Variants in PTPRT observed in about 807,000 individuals in gnomAD.
The protein encoded by PTPRT is protein tyrosine phosphatase receptor type T.
In PTPRT, 56 loss-of-function variants were observed where a neutral mutation model predicts 176.8. The ratio of observed to expected loss-of-function variants is 0.32; its 90% confidence interval spans 0.26 to 0.40. The LOEUF is 0.40. Ranked by LOEUF, PTPRT falls within the 10% of genes least tolerant of loss-of-function variation. The pLI, the probability that PTPRT is intolerant of heterozygous loss-of-function variation, is 1.00. For missense variants in PTPRT, 1,540 were observed against 1,908.2 expected (o/e 0.81, Z 3.60); for synonymous variants, 783 against 739.0 (o/e 1.06, Z -0.96).
chr20:42,122,816 C>T (rs1295291839), intron 19 of PTPRT, among the ~76,000 whole-genome samples: 6 of 152,190 alleles, frequency 3.9e-5, no homozygotes, highest in South Asian at 2.1e-4. Flanking sequence ...GCCTTACCTT[C>T]GGACTAGTCA....
At chr20:42,420,387 T>C (rs1204660435) in intron 9 of PTPRT, among the ~76,000 whole-genome samples, 1 of 152,100 alleles carries the variant, frequency 6.6e-6, no homozygotes, top group Non-Finnish European at 1.5e-5. Context: ...CGTGCACCAC[T>C]TCCTCAACCC....
chr20:43,177,961 C>T (rs1299409148), intron 1 of PTPRT, among the ~76,000 whole-genome samples: 3 of 152,128 alleles, frequency 2.0e-5, no homozygotes, highest in Admixed American at 1.3e-4. Context: ...AGGGATCTTC[C>T]AAGAGGAAAA....
At chr20:42,471,938 G>A (rs1195169000) in intron 8 of PTPRT, among the ~76,000 whole-genome samples, 3 of 152,156 alleles carry the variant, frequency 2.0e-5, no homozygotes, top group Non-Finnish European at 2.9e-5. Context: ...TTACAGGCAT[G>A]AGTCACCACA....
At chr20:42,866,850 G>A (rs2078755161) in intron 2 of PTPRT, among the ~76,000 whole-genome samples, 1 of 152,124 alleles carries the variant, frequency 6.6e-6, no homozygotes, top group Non-Finnish European at 1.5e-5. Flanking sequence ...TAATCTTTGT[G>A]TGCCTCATTT....
chr20:42,436,625 G>A lies in PTPRT; in HGVS notation c.1560+11595C>T, dbSNP rs146340724. 7.4e-3 allele frequency among the ~76,000 whole-genome samples: 1,123 copies of A among 152,280 alleles called. 8 individuals are homozygous for A. The highest frequency in any genetic ancestry group is 0.012 in the Non-Finnish European group (810 of 68,024). ...CAACCAGTTTGGGAAAGAGTTTGGA[G>A]TATTTTTGTAAAACTTAACATTCAT... On this transcript the variant is annotated intron_variant, in intron 9 of 30. Transcript: ENST00000373187.
chr20:42,879,007 C>T (rs1198777647), intron 2 of PTPRT, among the ~76,000 whole-genome samples: 1 of 151,976 alleles, frequency 6.6e-6, no homozygotes, highest in Non-Finnish European at 1.5e-5. Context: ...CCAGCCCTGG[C>T]GACCGAGCGA....
chr20:42,497,521 G>A (rs567092881), intron 7 of PTPRT, among the ~76,000 whole-genome samples: 10 of 151,976 alleles, frequency 6.6e-5, no homozygotes, highest in Admixed American at 2.6e-4. Context: ...GTGTTCAAGC[G>A]ATCCTCCTGC....
At position 42,760,412 on chromosome 20, in the gene PTPRT, A is replaced by T. The variant is rs1417573299; in HGVS notation, c.685-3776T>A. Among the ~76,000 whole-genome samples, 5 of 116,908 alleles carry T rather than the reference A, an allele frequency of 4.3e-5. No homozygotes were observed. The South Asian group carries it at 7.6e-4, about 18-fold the overall frequency. The allele number at this position is 116,908 out of a possible 152,430, so 76.7% of individuals were successfully genotyped here. A position where few individuals can be genotyped will look rare whatever the true frequency, so the allele number is the denominator to read the frequency against. Reference sequence around the variant, plus strand: ...TTTTTTTTTTTTTTTTTTTTTACACATGGGGCTGGGAACTGACCTCAGTAG... The same window carrying T: ...TTTTTTTTTTTTTTTTTTTTTACACTTGGGGCTGGGAACTGACCTCAGTAG... On this transcript the variant is annotated intron_variant, in intron 5 of 30. Coordinates refer to ENST00000373187, the MANE Select transcript of PTPRT (RefSeq NM_007050.6).
chr20:42,141,778 C>T (rs1988642741), intron 18 of PTPRT, 137 bp downstream of exon 18: 1 of 824,876 alleles, frequency 1.2e-6, no homozygotes, highest in South Asian at 1.5e-5. Context: ...TATAAAGCTT[C>T]CATCTTGGCA....
At chr20:42,449,960 A>T (rs73123385) in intron 8 of PTPRT, among the ~76,000 whole-genome samples, 34,394 of 150,092 alleles carry the variant, frequency 0.23, 3,983 homozygotes, top group Middle Eastern at 0.33. Flanking sequence ...GCATATATAT[A>T]TTTTTTATTT....
intron 7 of PTPRT, among the ~76,000 whole-genome samples, chr20:42,523,974 G>A (rs950787817): frequency 1.3e-5 from 2 of 151,830 alleles, no homozygotes; most frequent in African/African-American, 4.8e-5. Flanking sequence ...TCTAACCTGG[G>A]CAAAATAGGG....
intron 13 of PTPRT, among the ~76,000 whole-genome samples, chr20:42,271,042 T>C (rs2147001389): frequency 6.6e-6 from 1 of 152,320 alleles, no homozygotes; most frequent in South Asian, 2.1e-4. Flanking sequence ...CCTCCAGTCT[T>C]GTTCCCCTTC....
chr20:42,075,743 C>T lies in PTPRT; in HGVS notation c.*5136G>A, dbSNP rs531408919. 11 of 204,502 alleles carry T rather than the reference C, an allele frequency of 5.4e-5. No individual in the cohort carries two copies. The highest frequency in any genetic ancestry group is 1.4e-4 in the African/African-American group (6 of 43,752). The allele number at this position is 204,502 out of a possible 1,614,324, so 12.7% of individuals were successfully genotyped here. A position where few individuals can be genotyped will look rare whatever the true frequency, so the allele number is the denominator to read the frequency against. ...ATGTACTCTAAGGGGTTCCCACCAG[C>T]GACGAGGAAATGTAGATCCTGGTGA... On this transcript the variant is annotated 3_prime_UTR_variant, in exon 31 of 31. Coordinates refer to ENST00000373187, the MANE Select transcript of PTPRT (RefSeq NM_007050.6).
chr20:42,067,743 T>C, the PTPRT span, among the ~76,000 whole-genome samples: 1 of 152,168 alleles, frequency 6.6e-6, no homozygotes, highest in South Asian at 2.1e-4. Context: ...TTTTTATCCC[T>C]AGATCAAAAG....
At chr20:42,221,797 A>T (rs1450814420) in intron 15 of PTPRT, among the ~76,000 whole-genome samples, 1 of 152,046 alleles carries the variant, frequency 6.6e-6, no homozygotes, top group Non-Finnish European at 1.5e-5. Context: ...GGGATTACAG[A>T]TGTGAGCCAC....
intron 1 of PTPRT, among the ~76,000 whole-genome samples, chr20:43,147,667 G>A (rs1180436439): frequency 1.3e-5 from 2 of 152,188 alleles, no homozygotes; most frequent in Non-Finnish European, 1.5e-5. Flanking sequence ...TAAGAAGACA[G>A]AACAGGGAGC....
chr20:42,599,990 C>A (rs1377220482), intron 7 of PTPRT, among the ~76,000 whole-genome samples: 1 of 152,188 alleles, frequency 6.6e-6, no homozygotes. Flanking sequence ...GTTGTCCTCT[C>A]AGCCTTGATT....
intron 16 of PTPRT, among the ~76,000 whole-genome samples, chr20:42,192,716 C>G (rs1419676425): frequency 6.6e-6 from 1 of 152,106 alleles, no homozygotes; most frequent in Admixed American, 6.5e-5. Context: ...TTTCTTGAAC[C>G]ATTTGTCTCC....
At chr20:42,887,395 C>A (rs557063730) in intron 1 of PTPRT, among the ~76,000 whole-genome samples, 1 of 152,158 alleles carries the variant, frequency 6.6e-6, no homozygotes, top group Non-Finnish European at 1.5e-5. Flanking sequence ...GCTGAATCTG[C>A]CAATGTCTCG....
Sources: allele counts gnomAD v4.1 joint callset (sites outside exome capture counted in the v4.1 genomes callset), GRCh38; gene constraint gnomAD v4.1.1; transcripts MANE v1.5; gene names NCBI Gene and HGNC (gene_info 2026-07-23, HGNC 2026-07-21).